The following ACTR1B variants were observed in gnomAD, a reference collection of about 807,000 sequenced individuals.
The protein encoded by ACTR1B is actin related protein 1B.
In ACTR1B, 34 loss-of-function variants were observed where a neutral mutation model predicts 49.4. That is an observed-to-expected ratio of 0.69 (90% CI 0.52 to 0.92). The LOEUF (loss-of-function observed/expected upper bound fraction) is 0.92. Ranked by LOEUF, ACTR1B falls within the 40% of genes least tolerant of loss-of-function variation. ACTR1B has a pLI of 0.00. For synonymous variants in ACTR1B, 207 were observed against 207.8 expected, an observed-to-expected ratio of 1.00 and a Z score of 0.03; for missense variants, 471 against 522.4, an observed-to-expected ratio of 0.90 and a Z score of 0.96.
chr2:97,663,550 C>T (rs1573187477), intron 1 of ACTR1B, among the ~76,000 whole-genome samples: 1 of 152,152 alleles, frequency 6.6e-6, no homozygotes, highest in Admixed American at 6.5e-5. Flanking sequence ...GAGTCCGGGG[C>T]GCGTCCCCGC....
rs550158100 is a variant in ACTR1B at position 97,659,317 on chromosome 2, G to T, written c.315+35C>A. 7.4e-6 allele frequency: 12 copies of T among 1,613,228 alleles called. No individual in the cohort carries two copies. In the South Asian group the frequency reaches 1.2e-4, roughly 16 times the overall value. ...GCAGAGGAGAGGGGCATGGCCAGGA[G>T]AATGCAGAGCATGCAGGAGGGGCAG... On this transcript the variant is annotated intron_variant, in intron 4 of 10. Coordinates refer to ENST00000289228, the MANE Select transcript of ACTR1B (RefSeq NM_005735.4). The surrounding 1 kb of genome is among the most constrained non-coding windows in gnomAD (Gnocchi z 4.0).
At chr2:97,663,741 T>C (rs1191481780) in intron 1 of ACTR1B, 102 bp downstream of exon 1, 3 of 664,824 alleles carry the variant, frequency 4.5e-6, no homozygotes, top group Non-Finnish European at 6.0e-6. Flanking sequence ...GGCCACGCAG[T>C]GAGCGGAGGA....
chr2:97,658,847 A>T lies in ACTR1B; in HGVS notation c.440+32T>A, dbSNP rs759190378. 29 of 1,613,526 alleles carry T rather than the reference A, an allele frequency of 1.8e-5. No homozygotes were observed. The highest frequency in any genetic ancestry group is 3.3e-4 in the Middle Eastern group (2 of 6,072). On this transcript the variant is annotated intron_variant, in intron 5 of 10. Coordinates refer to ENST00000289228, the MANE Select transcript of ACTR1B (RefSeq NM_005735.4). This position sits in a 1 kb window ranked among gnomAD's most constrained non-coding sequence, Gnocchi z 5.9. ...AGCAGGACGGCACAGGGAGGACAGG[A>T]CTCAGGGAGGCCAGGCTTAGGGAGC...
chr2:97,660,046 C>A (rs1281014250), intron 3 of ACTR1B, among the ~76,000 whole-genome samples: 2 of 152,170 alleles, frequency 1.3e-5, no homozygotes, highest in Non-Finnish European at 2.9e-5. Flanking sequence ...CTGCGAGACC[C>A]CCACCCTCTG....
At position 97,658,530 on chromosome 2, in the gene ACTR1B, A is replaced by G. The variant is rs1337433659; in HGVS notation, c.554T>C (p.Ile185Thr). Residue 185 changes from isoleucine to threonine, a missense_variant, in exon 6 of 11, where the codon ATT (isoleucine) becomes ACT (threonine). Coordinates refer to ENST00000289228, the MANE Select transcript of ACTR1B (RefSeq NM_005735.4). The surrounding 1 kb of genome is among the most constrained non-coding windows in gnomAD (Gnocchi z 5.9). Reference sequence around the variant, plus strand: ...GTAGCGGGAGACGTCGCGGCCGGCAATGTCCACCCGCATGATGGAGTGAGG... The same window carrying G: ...GTAGCGGGAGACGTCGCGGCCGGCAGTGTCCACCCGCATGATGGAGTGAGG... Reference protein sequence around the residue: ...AMPHSIMRVDIAGRDVSRYLR... With the variant: ...AMPHSIMRVDTAGRDVSRYLR... The G allele has an allele frequency of 6.2e-7, 1 of 1,614,056 alleles. No homozygotes were observed. The highest frequency in any genetic ancestry group is 1.7e-5 in the Admixed American group (1 of 60,018).
At position 97,658,177 on chromosome 2, in the gene ACTR1B, C is replaced by T. The variant is rs775662923; in HGVS notation, c.750+47G>A. ...TGGAGAAGCGGGCTACCCCTTCCCC[C>T]AGGCTGGGCATCGGCTGCCACTCCA... On this transcript the variant is annotated intron_variant, in intron 7 of 10. Transcript: ENST00000289228. This position sits in a 1 kb window ranked among gnomAD's most constrained non-coding sequence, Gnocchi z 5.9. The T allele has an allele frequency of 6.2e-7, 1 of 1,613,520 alleles. No individual in the cohort carries two copies. The highest frequency in any genetic ancestry group is 8.5e-7 in the Non-Finnish European group (1 of 1,179,794).
intron 2 of ACTR1B, 136 bp from the exon 3 acceptor site, chr2:97,660,782 T>G (rs576785765): frequency 1.2e-6 from 1 of 844,502 alleles, no homozygotes; most frequent in East Asian, 2.6e-5. Flanking sequence ...GGGGCACAGG[T>G]TGGAACTGGG....
chr2:97,657,803 A>G, intron 8 of ACTR1B, 140 bp downstream of exon 8: 1 of 1,010,822 alleles, frequency 9.9e-7, no homozygotes. Context: ...TTTAATTTTA[A>G]ATTTTGGTCT....
intron 1 of ACTR1B, 33 bp from the exon 2 acceptor site, chr2:97,661,979 T>G: frequency 1.3e-6 from 2 of 1,565,126 alleles, no homozygotes; most frequent in Non-Finnish European, 1.7e-6. Context: ...GCTGCCCACA[T>G]GCACCACCAG....
chr2:97,661,531 G>A (rs979461895), intron 2 of ACTR1B, among the ~76,000 whole-genome samples: 2 of 152,224 alleles, frequency 1.3e-5, no homozygotes, highest in African/African-American at 4.8e-5. Context: ...AGGAAAGGGT[G>A]GCTGTGCATC....
At chr2:97,657,401 A>C in intron 9 of ACTR1B, 47 bp downstream of exon 9, 1 of 1,605,148 alleles carries the variant, frequency 6.2e-7, no homozygotes, top group Non-Finnish European at 8.5e-7. Flanking sequence ...CCCCATGCCA[A>C]GGCTGCCAGC....
In ACTR1B at chr2:97,659,228, A is replaced by C; in HGVS notation, c.315+124T>G. On this transcript the variant is annotated intron_variant, in intron 4 of 10. Transcript: ENST00000289228. The surrounding 1 kb of genome is among the most constrained non-coding windows in gnomAD (Gnocchi z 4.0). ...GGTACGTATGCGCACCCAGACACAC[A>C]CGGAAAGGCAGCAGGCCCTCTAGAA... The C allele has an allele frequency of 6.7e-7, 1 of 1,495,594 alleles. No individual in the cohort carries two copies. The allele number at this position is 1,495,594 out of a possible 1,614,324, so 92.6% of individuals were successfully genotyped here. A position where few individuals can be genotyped will look rare whatever the true frequency, so the allele number is the denominator to read the frequency against.
chr2:97,657,124 C>G (rs1238894759), intron 10 of ACTR1B, 28 bp downstream of exon 10: 1 of 1,609,640 alleles, frequency 6.2e-7, no homozygotes, highest in Non-Finnish European at 8.5e-7. Flanking sequence ...GGTCTCCTCC[C>G]AGAGCCCTCC....
rs1463266478 is a variant in ACTR1B at position 97,658,709 on chromosome 2, G to T, written c.441-66C>A. On this transcript the variant is annotated intron_variant, in intron 5 of 10. Coordinates refer to ENST00000289228, the MANE Select transcript of ACTR1B (RefSeq NM_005735.4). This position sits in a 1 kb window ranked among gnomAD's most constrained non-coding sequence, Gnocchi z 5.9. ...CACGGGGACCTCCTCACCCAGGGGA[G>T]GAACCCTGGCACATCTGCATTATCT... is the stretch of plus-strand genomic sequence containing the variant. 6.3e-7 allele frequency: 1 copy of T among 1,591,812 alleles called. No homozygotes were observed. The highest frequency in any genetic ancestry group is 8.6e-7 in the Non-Finnish European group (1 of 1,162,234).
In ACTR1B at chr2:97,656,790, C is replaced by G; in HGVS notation, c.*68G>C. 1.4e-6 allele frequency: 2 copies of G among 1,397,312 alleles called. No individual in the cohort carries two copies. Among genetic ancestry groups the G allele is most frequent in the Non-Finnish European group, 2.0e-6 (2 of 1,008,302 alleles). The allele number at this position is 1,397,312 out of a possible 1,614,324, so 86.6% of individuals were successfully genotyped here. A position where few individuals can be genotyped will look rare whatever the true frequency, so the allele number is the denominator to read the frequency against. ...CTAAGCCTAGTATACGAGCCAAGACCAAAAAGGGTTAAAGGCTCTGTCTCC... is the reference window on the plus strand; with the variant it reads ...CTAAGCCTAGTATACGAGCCAAGACGAAAAAGGGTTAAAGGCTCTGTCTCC... On this transcript the variant is annotated 3_prime_UTR_variant, in exon 11 of 11. Coordinates refer to ENST00000289228, the MANE Select transcript of ACTR1B (RefSeq NM_005735.4).
Position 97,656,822 on chromosome 2 carries a change from T to A in ACTR1B, c.*36A>T. 5 of 1,498,508 alleles carry A rather than the reference T, an allele frequency of 3.3e-6. No individual in the cohort carries two copies. Among genetic ancestry groups the A allele is most frequent in the Non-Finnish European group, 4.6e-6 (5 of 1,096,924 alleles). The allele number at this position is 1,498,508 out of a possible 1,614,324, so 92.8% of individuals were successfully genotyped here. A position where few individuals can be genotyped will look rare whatever the true frequency, so the allele number is the denominator to read the frequency against. The stretch of plus-strand genomic sequence containing the variant: ...GGTTAAAGGCTCTGTCTCCCCTCCC[T>A]CCCCCTCTCCCAACATGCCCCGCCC... On this transcript the variant is annotated 3_prime_UTR_variant, in exon 11 of 11. Transcript: ENST00000289228.
chr2:97,663,892 G>C lies in ACTR1B; in HGVS notation c.-2C>G. 1 of 1,390,008 alleles carries C rather than the reference G, an allele frequency of 7.2e-7. No homozygotes were observed. The highest frequency in any genetic ancestry group is 9.5e-7 in the Non-Finnish European group (1 of 1,055,852). The allele number at this position is 1,390,008 out of a possible 1,614,324, so 86.1% of individuals were successfully genotyped here. A position where few individuals can be genotyped will look rare whatever the true frequency, so the allele number is the denominator to read the frequency against. On this transcript the variant is annotated 5_prime_UTR_variant, in exon 1 of 11. Coordinates refer to ENST00000289228, the MANE Select transcript of ACTR1B (RefSeq NM_005735.4). ...GGCGATGATGTCGTAGGACTCCATG[G>C]CCGGGCCGCGCCGGCCCTGCCCAGC...
rs769727572 is a variant in ACTR1B at position 97,657,139 on chromosome 2, A to G, written c.1028+13T>C. 1.9e-5 allele frequency: 30 copies of G among 1,612,320 alleles called. No individual in the cohort carries two copies. Among genetic ancestry groups the G allele is most frequent in the Non-Finnish European group, 2.5e-5 (29 of 1,179,002 alleles). ...GGTCTCCTCCCAGAGCCCTCCCTTG[A>G]GCCCCGCCTCACCCAATCCATGTGG... is the stretch of plus-strand genomic sequence containing the variant. On this transcript the variant is annotated intron_variant, in intron 10 of 10. Coordinates refer to ENST00000289228, the MANE Select transcript of ACTR1B (RefSeq NM_005735.4).
intron 1 of ACTR1B, 134 bp from the exon 2 acceptor site, chr2:97,662,080 A>G (rs973567026): frequency 2.4e-6 from 2 of 849,426 alleles, no homozygotes; most frequent in African/African-American, 3.4e-5. Flanking sequence ...ATCATTTACA[A>G]GTACACCTAT....
Sources: allele counts gnomAD v4.1 joint callset (sites outside exome capture counted in the v4.1 genomes callset), GRCh38; gene constraint gnomAD v4.1.1; non-coding constraint Gnocchi (gnomAD v3.1); transcripts MANE v1.5; gene names NCBI Gene and HGNC (gene_info 2026-07-23, HGNC 2026-07-21).